SYT9: variants seen among roughly 807,000 people sequenced by gnomAD.
SYT9 encodes the protein synaptotagmin-9.
Under a neutral mutation model 48.4 loss-of-function variants are expected in SYT9, and 22 were observed. The observed-to-expected ratio is 0.45, with a 90% confidence interval of 0.32 to 0.65. The LOEUF (loss-of-function observed/expected upper bound fraction) is 0.65. SYT9 is among the 30% of genes least tolerant of loss of function. The probability of loss-of-function intolerance (pLI) is 0.03; values close to 1 mark genes in which losing one functional copy is unlikely to be tolerated. For synonymous variants in SYT9, 265 were observed against 245.0 expected (o/e 1.08, Z -0.76); for missense variants, 577 against 622.0 (o/e 0.93, Z 0.77).
intron 6 of SYT9, among the ~76,000 whole-genome samples, chr11:7,459,527 A>G (rs1564911459): frequency 1.3e-5 from 2 of 152,222 alleles, no homozygotes; most frequent in African/African-American, 4.8e-5. Context: ...GACAAATAAG[A>G]TGTAAATAAA....
At chr11:7,284,969 A>G (rs1848569448) in intron 1 of SYT9, among the ~76,000 whole-genome samples, 1 of 151,976 alleles carries the variant, frequency 6.6e-6, no homozygotes, top group Non-Finnish European at 1.5e-5. Context: ...AGACACATTC[A>G]CCATTATTTT....
At chr11:7,297,657 CA>C (rs1244017564) in intron 1 of SYT9, among the ~76,000 whole-genome samples, 1 of 152,158 alleles carries the variant, frequency 6.6e-6, no homozygotes, top group Non-Finnish European at 1.5e-5. Flanking sequence ...TACAGTTTCT[CA>C]TGTACACTGT....
At chr11:7,418,643 T>C (rs1847295266) in intron 5 of SYT9, among the ~76,000 whole-genome samples, 1 of 152,244 alleles carries the variant, frequency 6.6e-6, no homozygotes, top group African/African-American at 2.4e-5. Flanking sequence ...AACACAGAAA[T>C]GTTCTCCTGA....
At chr11:7,391,523 A>G (rs543434302) in intron 3 of SYT9, among the ~76,000 whole-genome samples, 8 of 152,096 alleles carry the variant, frequency 5.3e-5, no homozygotes, top group African/African-American at 1.9e-4. Flanking sequence ...AGAGTATCTC[A>G]TTGTGGTTTT....
chr11:7,284,002 C>T (rs918474035), intron 1 of SYT9, among the ~76,000 whole-genome samples: 4 of 152,110 alleles, frequency 2.6e-5, no homozygotes, highest in African/African-American at 9.7e-5. Context: ...CACTTATCTC[C>T]ATCAATTATT....
chr11:7,449,437 T>C (rs577723173), intron 6 of SYT9, among the ~76,000 whole-genome samples: 23 of 151,590 alleles, frequency 1.5e-4, no homozygotes, highest in African/African-American at 5.6e-4. Flanking sequence ...TTGAGAGTGC[T>C]ACAAAGAAAG....
In SYT9 at chr11:7,385,340, C is replaced by CTG. The variant is rs66576884; in HGVS notation, c.1045-30673_1045-30672dup. On this transcript the variant is annotated intron_variant, in intron 3 of 6. Transcript: ENST00000318881. ...ATGAACTATATTGTTTTTGTTTGCTCTGTGTGTGTGTGTGTGTGTGTGTGT... is the reference window on the plus strand; with the variant it reads ...ATGAACTATATTGTTTTTGTTTGCTCTGTGTGTGTGTGTGTGTGTGTGTGTGT... Among the ~76,000 whole-genome samples, 728 of 146,776 alleles carry CTG rather than the reference C, an allele frequency of 5.0e-3. 6 individuals carry two copies. The highest frequency in any genetic ancestry group is 0.015 in the African/African-American group (574 of 39,560).
intron 3 of SYT9, among the ~76,000 whole-genome samples, chr11:7,365,139 G>T (rs1564877773): frequency 6.6e-6 from 1 of 151,964 alleles, no homozygotes; most frequent in Non-Finnish European, 1.5e-5. Context: ...GAAATGAAAG[G>T]CTCTGATAAT....
chr11:7,318,489 T>C (rs1849280459), intron 3 of SYT9, among the ~76,000 whole-genome samples: 1 of 152,148 alleles, frequency 6.6e-6, no homozygotes, highest in Non-Finnish European at 1.5e-5. Context: ...AATTTTTGTA[T>C]TTTTAGTGGA....
At chr11:7,350,863 A>G (rs190457925) in intron 3 of SYT9, among the ~76,000 whole-genome samples, 2 of 152,314 alleles carry the variant, frequency 1.3e-5, no homozygotes, top group East Asian at 3.9e-4. Flanking sequence ...CTTTAAAAAC[A>G]TTTCTAAATG....
intron 1 of SYT9, among the ~76,000 whole-genome samples, chr11:7,284,420 A>C (rs1241999381): frequency 6.6e-6 from 1 of 152,098 alleles, no homozygotes; most frequent in African/African-American, 2.4e-5. Context: ...ATGGTATGTA[A>C]ATGTTGAGCC....
chr11:7,368,848 A>G (rs1850299963), intron 3 of SYT9, among the ~76,000 whole-genome samples: 1 of 152,072 alleles, frequency 6.6e-6, no homozygotes, highest in Non-Finnish European at 1.5e-5. Context: ...TCTATATATA[A>G]AGAAATGTGC....
chr11:7,323,635 T>A (rs1849376637), intron 3 of SYT9, among the ~76,000 whole-genome samples: 1 of 152,084 alleles, frequency 6.6e-6, no homozygotes, highest in Admixed American at 6.6e-5. Context: ...CAGTTGATTT[T>A]CTGTATCTAT....
At chr11:7,422,915 T>C (rs1419654097) in intron 6 of SYT9, among the ~76,000 whole-genome samples, 1 of 152,168 alleles carries the variant, frequency 6.6e-6, no homozygotes, top group African/African-American at 2.4e-5. Context: ...CTGAGAGATA[T>C]TCCTCAAACC....
At chr11:7,449,628 G>A (rs1404517363) in intron 6 of SYT9, among the ~76,000 whole-genome samples, 1 of 152,048 alleles carries the variant, frequency 6.6e-6, no homozygotes, top group African/African-American at 2.4e-5. Context: ...ATGACAGTAG[G>A]GACAAGAAAA....
At chr11:7,333,715 AAAATCCAAT>A (rs1253349428) in intron 3 of SYT9, among the ~76,000 whole-genome samples, 5 of 152,228 alleles carry the variant, frequency 3.3e-5, no homozygotes, top group Non-Finnish European at 1.5e-5. Flanking sequence ...TGGGCTGAGA[AAAATCCAAT>A]TTGCAAGTCA....
chr11:7,324,299 T>G (rs2133968533), intron 3 of SYT9, among the ~76,000 whole-genome samples: 1 of 152,056 alleles, frequency 6.6e-6, no homozygotes, highest in Middle Eastern at 3.4e-3. Context: ...TTATCCCTGT[T>G]CACTTTCTCA....
chr11:7,321,316 A>G (rs1034501966), intron 3 of SYT9, among the ~76,000 whole-genome samples: 9 of 81,160 alleles, frequency 1.1e-4, no homozygotes, highest in South Asian at 6.2e-4. Flanking sequence ...TCTGTCTCCC[A>G]AAGGCCTGAG....
chr11:7,308,984 C>T (rs894548169), intron 2 of SYT9, among the ~76,000 whole-genome samples: 2 of 152,150 alleles, frequency 1.3e-5, no homozygotes, highest in Admixed American at 6.5e-5. Flanking sequence ...TGAACTATGG[C>T]TGCAACTCAG....
Sources: gnomAD v4.1 joint callset for allele counts (sites outside exome capture counted in the v4.1 genomes callset) on GRCh38, gnomAD v4.1.1 for gene constraint, MANE v1.5 for transcripts, NCBI Gene and HGNC (gene_info 2026-07-23, HGNC 2026-07-21) for gene names.